The following CMC2 variants were observed in gnomAD, a reference collection of about 807,000 sequenced individuals.
CMC2 encodes the protein COX assembly mitochondrial protein 2 homolog.
CMC2 carries 5 observed loss-of-function variants against 7.5 expected under a neutral mutation model. The observed-to-expected ratio is 0.66, with a 90% CI of 0.35 to 1.40. The LOEUF (loss-of-function observed/expected upper bound fraction) is 1.40. Among genes scored for constraint, CMC2 ranks in the 40% most tolerant of loss-of-function variants. The pLI is 0.04. For missense variants in CMC2, 115 were observed against 92.3 expected (o/e 1.25, Z -1.01); for synonymous variants, 37 against 31.4 (o/e 1.18, Z -0.60).
At chr16:81,004,968 T>C (rs1969147629) in intron 1 of CMC2, among the ~76,000 whole-genome samples, 1 of 152,238 alleles carries the variant, frequency 6.6e-6, no homozygotes, top group Admixed American at 6.5e-5. Flanking sequence ...GGCTTTTCTT[T>C]AGAAAGATTT....
At chr16:80,999,835 T>G (rs960945987) in intron 1 of CMC2, among the ~76,000 whole-genome samples, 3 of 152,194 alleles carry the variant, frequency 2.0e-5, no homozygotes, top group African/African-American at 7.2e-5. Flanking sequence ...GCTGGGATAG[T>G]TGGCTAGCTA....
intron 3 of CMC2, among the ~76,000 whole-genome samples, chr16:80,976,945 C>A (rs16954366): frequency 1.2e-4 from 18 of 151,764 alleles, no homozygotes; most frequent in African/African-American, 4.4e-4. Flanking sequence ...ACATTAATGC[C>A]CCTTACCAAA....
chr16:80,982,713 G>A (rs777255783), intron 2 of CMC2: 1 of 151,930 alleles, frequency 6.6e-6, no homozygotes, highest in African/African-American at 2.4e-5. Context: ...AATTAACTGC[G>A]GTATATACTG....
intron 2 of CMC2, chr16:80,982,663 G>A (rs1284940443): frequency 6.6e-6 from 1 of 151,622 alleles, no homozygotes; most frequent in Non-Finnish European, 1.5e-5. Flanking sequence ...TGAGAGAATT[G>A]TAAGCAAACA....
chr16:81,003,266 T>C (rs2602416), intron 1 of CMC2, among the ~76,000 whole-genome samples: 95,675 of 151,966 alleles, frequency 0.63, 31,631 homozygotes, highest in South Asian at 0.79. Flanking sequence ...ACTCAAAATA[T>C]ATTTAACAAA....
intron 2 of CMC2, among the ~76,000 whole-genome samples, chr16:80,995,170 T>A (rs1043941868): frequency 6.6e-6 from 1 of 151,994 alleles, no homozygotes; most frequent in Non-Finnish European, 1.5e-5. Flanking sequence ...TGTGCATGAA[T>A]GTTCATAGCA....
intron 2 of CMC2, among the ~76,000 whole-genome samples, chr16:80,986,664 A>C (rs527629822): frequency 5.9e-5 from 9 of 152,400 alleles, no homozygotes; most frequent in African/African-American, 2.2e-4. Flanking sequence ...GAGATTCGGC[A>C]GAGAACACAC....
At chr16:80,980,653 G>C (rs1967040587) in intron 3 of CMC2, 1 of 480,182 alleles carries the variant, frequency 2.1e-6, no homozygotes, top group South Asian at 3.2e-5. Context: ...ACTTTGGGAG[G>C]CCAAGGTGGG....
chr16:80,980,612 G>A (rs1967038189), intron 3 of CMC2, among the ~76,000 whole-genome samples: 3 of 150,474 alleles, frequency 2.0e-5, no homozygotes, highest in Non-Finnish European at 3.0e-5. Context: ...TAATAAGGCT[G>A]GGAATGGTGA....
chr16:80,978,189 G>A (rs1214503774), intron 3 of CMC2: 168 of 778,318 alleles, frequency 2.2e-4, no homozygotes, highest in Non-Finnish European at 2.5e-4. Context: ...TCAATAAAAC[G>A]TATTCTAGAA....
At chr16:80,993,001 C>G (rs1259889101) in intron 2 of CMC2, among the ~76,000 whole-genome samples, 1 of 152,164 alleles carries the variant, frequency 6.6e-6, no homozygotes, top group Non-Finnish European at 1.5e-5. Context: ...TTTCCCCACA[C>G]CTAGGTTATA....
rs1359555478 is a variant in CMC2 at position 80,975,243 on chromosome 16, C to T, written c.*850G>A. 1.3e-5 allele frequency: 2 copies of T among 152,300 alleles called. No homozygotes were observed. The highest frequency in any genetic ancestry group is 4.8e-5 in the African/African-American group (2 of 41,458). 9.4% of individuals were successfully genotyped at this position (152,300 alleles called of 1,614,324 possible). The stretch of plus-strand genomic sequence containing the variant: ...AACTGGCACCTCGAGTGGACACATT[C>T]AACCAAATGGGAAAGCAAAGTCTGC... On this transcript the variant is annotated 3_prime_UTR_variant, in exon 4 of 4. Coordinates refer to ENST00000219400, the MANE Select transcript of CMC2 (RefSeq NM_020188.5).
intron 2 of CMC2, among the ~76,000 whole-genome samples, chr16:80,985,303 G>A (rs13329841): frequency 0.06 from 9,061 of 152,154 alleles, 863 homozygotes; most frequent in African/African-American, 0.2. Context: ...AGGGTATAGC[G>A]GAGTTTTCCC....
intron 1 of CMC2, among the ~76,000 whole-genome samples, chr16:81,003,635 A>G (rs985606157): frequency 6.6e-6 from 1 of 152,246 alleles, no homozygotes; most frequent in Non-Finnish European, 1.5e-5. Flanking sequence ...CAGTTTGTGA[A>G]TGAAATACAT....
chr16:80,967,027 T>C lies in CMC2; in HGVS notation c.*9066A>G, dbSNP rs945459206. ...AAAGTCCTTTGGGCTACTTCAACAC[T>C]TTATTTATTCTTTATTCACTAAAAA... On this transcript the variant is annotated 3_prime_UTR_variant, in exon 4 of 4. Transcript: ENST00000219400. 1 of 152,222 alleles carries C rather than the reference T, an allele frequency of 6.6e-6. No homozygotes were observed. The highest frequency in any genetic ancestry group is 1.5e-5 in the Non-Finnish European group (1 of 68,034). 9.4% of individuals were successfully genotyped at this position (152,222 alleles called of 1,614,324 possible). A position where few individuals can be genotyped will look rare whatever the true frequency, so the allele number is the denominator to read the frequency against.
At chr16:80,983,566 C>T (rs1323762795) in intron 2 of CMC2, 1 of 152,248 alleles carries the variant, frequency 6.6e-6, no homozygotes, top group Non-Finnish European at 1.5e-5. Context: ...CATGGCCACA[C>T]TGCCATGGGC....
chr16:80,991,161 C>T (rs1967963921), intron 2 of CMC2, among the ~76,000 whole-genome samples: 3 of 152,022 alleles, frequency 2.0e-5, no homozygotes, highest in South Asian at 2.1e-4. Context: ...TGAGTCCATA[C>T]TGACATAAGT....
intron 2 of CMC2, among the ~76,000 whole-genome samples, chr16:80,992,486 G>C (rs538152218): frequency 2.0e-5 from 3 of 152,136 alleles, no homozygotes; most frequent in Non-Finnish European, 4.4e-5. Context: ...AAATGTATGA[G>C]GGTATACAGT....
chr16:80,995,524 G>A (rs2151642548), intron 2 of CMC2, among the ~76,000 whole-genome samples: 1 of 152,018 alleles, frequency 6.6e-6, no homozygotes, highest in South Asian at 2.1e-4. Context: ...AGGCCTGGTG[G>A]CGCACGCCTG....
Sources: gnomAD v4.1 joint callset for allele counts (sites outside exome capture counted in the v4.1 genomes callset) on GRCh38, gnomAD v4.1.1 for gene constraint, MANE v1.5 for transcripts, NCBI Gene and HGNC (gene_info 2026-07-23, HGNC 2026-07-21) for gene names.